The following TAF3 variants were observed in gnomAD, a reference collection of about 807,000 sequenced individuals.
The protein encoded by TAF3 is TATA-box binding protein associated factor 3, also known as transcription initiation factor TFIID subunit 3.
TAF3 carries 7 observed loss-of-function variants against 80.6 expected under a neutral mutation model. The ratio of observed to expected loss-of-function variants is 0.09; its 90% CI spans 0.05 to 0.16. TAF3 has a LOEUF of 0.16. Among genes scored for constraint, TAF3 ranks in the 10% least tolerant of loss-of-function variants. The pLI is 1.00. For missense variants in TAF3, 921 were observed against 1,140.2 expected (o/e 0.81, Z 2.77); for synonymous variants, 444 against 446.1 (o/e 1.00, Z 0.06).
chr10:7,952,673 G>C (rs1398132979), intron 2 of TAF3, among the ~76,000 whole-genome samples: 2 of 152,102 alleles, frequency 1.3e-5, no homozygotes, highest in Non-Finnish European at 2.9e-5. Context: ...CTTTTTTACA[G>C]GTCACTGTGT....
chr10:7,873,667 C>T (rs959746607), intron 2 of TAF3, among the ~76,000 whole-genome samples: 5 of 151,900 alleles, frequency 3.3e-5, no homozygotes, highest in Non-Finnish European at 7.4e-5. Flanking sequence ...GAGTCCCCCA[C>T]TCCCTTGTCC....
At chr10:7,932,167 G>A (rs1047257012) in intron 2 of TAF3, among the ~76,000 whole-genome samples, 1 of 152,086 alleles carries the variant, frequency 6.6e-6, no homozygotes, top group Non-Finnish European at 1.5e-5. Flanking sequence ...AAAGTAAAAG[G>A]AGGTGAACAT....
chr10:7,876,406 A>C (rs1239031381), intron 2 of TAF3, among the ~76,000 whole-genome samples: 1 of 152,200 alleles, frequency 6.6e-6, no homozygotes, highest in Non-Finnish European at 1.5e-5. Flanking sequence ...ATTTTCAATG[A>C]AATGGGCCAT....
At chr10:7,887,719 C>T (rs977417764) in intron 2 of TAF3, among the ~76,000 whole-genome samples, 1 of 151,798 alleles carries the variant, frequency 6.6e-6, no homozygotes, top group Non-Finnish European at 1.5e-5. Flanking sequence ...TCAATCCAAG[C>T]TAAAATCGGG....
intron 2 of TAF3, among the ~76,000 whole-genome samples, chr10:7,914,505 GC>G (rs1168377152): frequency 1.3e-5 from 2 of 152,146 alleles, no homozygotes; most frequent in Non-Finnish European, 2.9e-5. Context: ...ATCCCTAGTT[GC>G]CCACTTTGTA....
chr10:7,995,982 G>A (rs959388415), intron 4 of TAF3, among the ~76,000 whole-genome samples: 6 of 152,146 alleles, frequency 3.9e-5, no homozygotes, highest in Admixed American at 6.5e-5. Flanking sequence ...ACAGTTTGGC[G>A]TCTTAAGGAC....
At chr10:7,971,408 G>A (rs185642261) in intron 3 of TAF3, among the ~76,000 whole-genome samples, 7 of 149,372 alleles carry the variant, frequency 4.7e-5, no homozygotes, top group African/African-American at 7.4e-5. Context: ...CTGAACTAGC[G>A]CTTGCTAAAT....
chr10:7,916,861 AATAC>A (rs1287071137), intron 2 of TAF3, among the ~76,000 whole-genome samples: 1 of 152,182 alleles, frequency 6.6e-6, no homozygotes, highest in African/African-American at 2.4e-5. Flanking sequence ...TGTTTATCTT[AATAC>A]ATAATAATTT....
chr10:7,948,235 T>C (rs912169484), intron 2 of TAF3, among the ~76,000 whole-genome samples: 9 of 150,520 alleles, frequency 6.0e-5, no homozygotes, highest in African/African-American at 1.7e-4. Flanking sequence ...ACTAATTTTT[T>C]TTTTCTTTTC....
chr10:7,867,735 G>C (rs1837227166), intron 2 of TAF3, among the ~76,000 whole-genome samples: 1 of 152,204 alleles, frequency 6.6e-6, no homozygotes, highest in Middle Eastern at 3.2e-3. Flanking sequence ...AAAATGAACA[G>C]TTAGATTTTT....
chr10:7,852,670 A>G (rs1185733503), intron 2 of TAF3, among the ~76,000 whole-genome samples: 4 of 152,222 alleles, frequency 2.6e-5, no homozygotes. Context: ...TATCAACATA[A>G]TATCATTTGT....
chr10:7,858,924 C>T (rs552843629), intron 2 of TAF3, among the ~76,000 whole-genome samples: 10 of 152,072 alleles, frequency 6.6e-5, no homozygotes, highest in Admixed American at 2.0e-4. Context: ...GCCTCTTCAG[C>T]GTCTTCTGGG....
intron 4 of TAF3, among the ~76,000 whole-genome samples, chr10:7,982,408 T>G (rs1564376890): frequency 6.6e-6 from 1 of 152,208 alleles, no homozygotes; most frequent in South Asian, 2.1e-4. Flanking sequence ...ATTTATCTTT[T>G]TTTTGAGACA....
chr10:7,904,828 C>T (rs1588546416), intron 2 of TAF3, among the ~76,000 whole-genome samples: 1 of 152,036 alleles, frequency 6.6e-6, no homozygotes, highest in Non-Finnish European at 1.5e-5. Context: ...GACACGGGGC[C>T]GACCGTAACT....
chr10:7,987,060 AC>A (rs1447913174), intron 4 of TAF3, among the ~76,000 whole-genome samples: 6 of 152,132 alleles, frequency 3.9e-5, no homozygotes, highest in African/African-American at 1.4e-4. Context: ...GATGACTCAC[AC>A]CTATAATCCT....
chr10:7,883,062 A>T (rs1006749721), intron 2 of TAF3, among the ~76,000 whole-genome samples: 3 of 152,226 alleles, frequency 2.0e-5, no homozygotes, highest in African/African-American at 7.2e-5. Flanking sequence ...AAATAAGGAA[A>T]TTAACATTGA....
intron 2 of TAF3, among the ~76,000 whole-genome samples, chr10:7,857,928 T>A (rs1837098960): frequency 1.4e-5 from 2 of 147,174 alleles, no homozygotes; most frequent in Admixed American, 1.3e-4. Context: ...TTTTTTTTTC[T>A]GCTAACCTTA....
At chr10:7,879,171 ATAG>A (rs1374764605) in intron 2 of TAF3, among the ~76,000 whole-genome samples, 3 of 152,196 alleles carry the variant, frequency 2.0e-5, no homozygotes, top group Admixed American at 6.5e-5. Flanking sequence ...TTATTTTAAA[ATAG>A]TAGATTAATA....
chr10:7,932,168 A>T (rs1837874685), intron 2 of TAF3, among the ~76,000 whole-genome samples: 1 of 152,196 alleles, frequency 6.6e-6, no homozygotes, highest in African/African-American at 2.4e-5. Context: ...AAGTAAAAGG[A>T]GGTGAACATG....
Sources: gnomAD v4.1 joint callset for allele counts (sites outside exome capture counted in the v4.1 genomes callset) on GRCh38, gnomAD v4.1.1 for gene constraint, MANE v1.5 for transcripts, NCBI Gene and HGNC (gene_info 2026-07-23, HGNC 2026-07-21) for gene names.